FAM107B: variants seen among roughly 807,000 people sequenced by gnomAD.
FAM107B encodes family with sequence similarity 107 member B, also known as protein FAM107B.
FAM107B carries 21 observed loss-of-function variants against 31.5 expected under a neutral mutation model. That is an observed-to-expected ratio of 0.67 (90% CI 0.47 to 0.96). The LOEUF (loss-of-function observed/expected upper bound fraction) is 0.96, where lower values mean the gene tolerates loss of function less well. FAM107B is among the 40% of genes least tolerant of loss of function. The pLI is 0.00. For missense variants in FAM107B, 452 were observed against 377.1 expected, an observed-to-expected ratio of 1.20 and a Z score of -1.64; for synonymous variants, 157 against 141.5, an observed-to-expected ratio of 1.11 and a Z score of -0.78.
At chr10:14,567,556 C>G (rs1441865198) in intron 2 of FAM107B, among the ~76,000 whole-genome samples, 3 of 152,142 alleles carry the variant, frequency 2.0e-5, no homozygotes, top group Non-Finnish European at 4.4e-5. Flanking sequence ...AACTGTGTAA[C>G]TTTCTCTGGC....
chr10:14,622,556 T>G (rs904442977), intron 2 of FAM107B, among the ~76,000 whole-genome samples: 12 of 152,242 alleles, frequency 7.9e-5, no homozygotes, highest in Admixed American at 5.2e-4. Flanking sequence ...CCACCCGCCT[T>G]GGCCTCCCAA....
chr10:14,697,313 C>T (rs1855289876), intron 1 of FAM107B, among the ~76,000 whole-genome samples: 1 of 152,194 alleles, frequency 6.6e-6, no homozygotes, highest in Admixed American at 6.5e-5. Flanking sequence ...TTAACCAGGT[C>T]CCCGAAATGG....
chr10:14,708,883 ATG>A (rs1855577809), intron 1 of FAM107B, among the ~76,000 whole-genome samples: 3 of 128,288 alleles, frequency 2.3e-5, no homozygotes, highest in South Asian at 2.7e-4. Context: ...ATATGAAAAG[ATG>A]CTCAATATAG....
intron 1 of FAM107B, among the ~76,000 whole-genome samples, chr10:14,679,534 A>G (rs993789683): frequency 3.3e-5 from 5 of 152,246 alleles, no homozygotes; most frequent in Non-Finnish European, 7.3e-5. Context: ...ATTGTGAGAT[A>G]GCGGGACTAT....
At chr10:14,734,805 C>T (rs554538434) in intron 1 of FAM107B, among the ~76,000 whole-genome samples, 4 of 152,048 alleles carry the variant, frequency 2.6e-5, no homozygotes, top group Non-Finnish European at 5.9e-5. Flanking sequence ...AGTGCAGTGG[C>T]GCGATCTTGG....
At chr10:14,662,669 A>G (rs987673803) in intron 2 of FAM107B, among the ~76,000 whole-genome samples, 8 of 152,182 alleles carry the variant, frequency 5.3e-5, no homozygotes, top group Non-Finnish European at 1.2e-4. Context: ...TTTCATAAGT[A>G]GATCTGAGGC....
Position 14,520,106 on chromosome 10 carries a change from A to C in FAM107B, c.*1084T>G, listed in dbSNP as rs1845493777. On this transcript the variant is annotated 3_prime_UTR_variant, in exon 5 of 5. Coordinates refer to ENST00000181796, the MANE Select transcript of FAM107B (RefSeq NM_031453.4). The stretch of plus-strand genomic sequence containing the variant: ...AGTCTTTCTTCACAAGGAAAAACAA[A>C]GATAAAGAAATACATGAGCATTAAT... 6.5e-6 allele frequency: 1 copy of C among 152,680 alleles called. No individual in the cohort carries two copies. The highest frequency in any genetic ancestry group is 1.5e-5 in the Non-Finnish European group (1 of 68,062). 9.5% of individuals were successfully genotyped at this position (152,680 alleles called of 1,614,324 possible).
At chr10:14,647,976 A>C (rs888634567) in intron 2 of FAM107B, among the ~76,000 whole-genome samples, 11 of 152,038 alleles carry the variant, frequency 7.2e-5, no homozygotes, top group African/African-American at 2.7e-4. Context: ...AACTGAAAAA[A>C]TGGAGTGAGA....
chr10:14,700,104 C>T (rs1276059554), intron 1 of FAM107B, among the ~76,000 whole-genome samples: 11 of 151,852 alleles, frequency 7.2e-5, no homozygotes, highest in Non-Finnish European at 1.0e-4. Flanking sequence ...GGCTAATTTT[C>T]GTATTTTTAG....
At chr10:14,651,176 C>T (rs916507875) in intron 2 of FAM107B, among the ~76,000 whole-genome samples, 4 of 152,286 alleles carry the variant, frequency 2.6e-5, no homozygotes, top group Middle Eastern at 3.4e-3. Context: ...ATTGGCCAGC[C>T]CTATCTATAA....
At chr10:14,761,030 A>C (rs575564456) in intron 1 of FAM107B, among the ~76,000 whole-genome samples, 2 of 148,920 alleles carry the variant, frequency 1.3e-5, no homozygotes, top group Non-Finnish European at 3.0e-5. Flanking sequence ...AAAAAAAAAA[A>C]AAAAAAGAAA....
chr10:14,545,096 T>A (rs1848575256), intron 2 of FAM107B, among the ~76,000 whole-genome samples: 1 of 152,162 alleles, frequency 6.6e-6, no homozygotes, highest in Non-Finnish European at 1.5e-5. Flanking sequence ...ACCTTTGCAG[T>A]AGACATTAAA....
chr10:14,571,134 C>T (rs1399989362), intron 2 of FAM107B, among the ~76,000 whole-genome samples: 2 of 152,172 alleles, frequency 1.3e-5, no homozygotes, highest in African/African-American at 4.8e-5. Flanking sequence ...GCTGTGTCCT[C>T]ACATGGTGGA....
chr10:14,672,683 A>T (rs1170012216), intron 1 of FAM107B, among the ~76,000 whole-genome samples: 1 of 152,230 alleles, frequency 6.6e-6, no homozygotes, highest in Non-Finnish European at 1.5e-5. Context: ...CCTCATTGAA[A>T]GGGCATGTGA....
At chr10:14,732,950 T>C (rs1047542196) in intron 1 of FAM107B, among the ~76,000 whole-genome samples, 1 of 146,554 alleles carries the variant, frequency 6.8e-6, no homozygotes, top group Non-Finnish European at 1.5e-5. Flanking sequence ...TATGATACGT[T>C]ATGGAATACC....
chr10:14,530,824 A>G (rs1396004502), intron 2 of FAM107B, among the ~76,000 whole-genome samples: 1 of 152,208 alleles, frequency 6.6e-6, no homozygotes, highest in Non-Finnish European at 1.5e-5. Context: ...CCCTGTCTCC[A>G]TATCGACCTC....
chr10:14,670,555 TA>T (rs1250785246), intron 1 of FAM107B, among the ~76,000 whole-genome samples: 2 of 152,176 alleles, frequency 1.3e-5, no homozygotes, highest in Admixed American at 1.3e-4. Flanking sequence ...GAGGCCAAAA[TA>T]ATCCAAATAA....
At chr10:14,757,157 A>C (rs1185325656) in intron 1 of FAM107B, among the ~76,000 whole-genome samples, 1 of 152,220 alleles carries the variant, frequency 6.6e-6, no homozygotes, top group African/African-American at 2.4e-5. Flanking sequence ...TAAACTTAAA[A>C]GTTAAAATAA....
At chr10:14,702,286 T>C (rs1855416820) in intron 1 of FAM107B, among the ~76,000 whole-genome samples, 1 of 152,274 alleles carries the variant, frequency 6.6e-6, no homozygotes, top group African/African-American at 2.4e-5. Flanking sequence ...ATTAACCTTT[T>C]GCTGGAATGT....
Sources: allele counts gnomAD v4.1 joint callset (sites outside exome capture counted in the v4.1 genomes callset), GRCh38; gene constraint gnomAD v4.1.1; transcripts MANE v1.5; gene names NCBI Gene and HGNC (gene_info 2026-07-23, HGNC 2026-07-21).